Variants in IFT57 observed in about 807,000 individuals in gnomAD.
IFT57 encodes intraflagellar transport protein 57 homolog.
A neutral mutation model predicts 56.8 loss-of-function variants in IFT57; 59 were observed. The ratio of observed to expected loss-of-function variants is 1.04; its 90% CI spans 0.84 to 1.29. The LOEUF is 1.29. Among genes scored for constraint, IFT57 ranks in the 50% most tolerant of loss-of-function variants. The probability of loss-of-function intolerance (pLI) is 0.00; values close to 1 mark genes in which losing one functional copy is unlikely to be tolerated. For synonymous variants in IFT57, 209 were observed against 186.1 expected (o/e 1.12, Z -1.00); for missense variants, 470 against 522.1 (o/e 0.90, Z 0.97).
At chr3:108,214,584 G>A (rs2080360396) in intron 3 of IFT57, among the ~76,000 whole-genome samples, 1 of 152,050 alleles carries the variant, frequency 6.6e-6, no homozygotes, top group Admixed American at 6.5e-5. Flanking sequence ...CTGAAGGAGA[G>A]TAACTCCATC....
chr3:108,183,964 A>C (rs2080165193), intron 6 of IFT57, among the ~76,000 whole-genome samples: 2 of 152,148 alleles, frequency 1.3e-5, no homozygotes, highest in Admixed American at 1.3e-4. Flanking sequence ...AGCAACTTTC[A>C]ATTGATTCAT....
At chr3:108,199,126 T>G (rs993249274) in intron 5 of IFT57, among the ~76,000 whole-genome samples, 1 of 152,206 alleles carries the variant, frequency 6.6e-6, no homozygotes, top group African/African-American at 2.4e-5. Flanking sequence ...TCTATCTGAA[T>G]GCTGAGATTT....
In IFT57 at chr3:108,161,539, A is replaced by T. The variant is rs1372291649; in HGVS notation, c.*938T>A. On this transcript the variant is annotated 3_prime_UTR_variant, in exon 11 of 11. Coordinates refer to ENST00000264538, the MANE Select transcript of IFT57 (RefSeq NM_018010.4). ...TACCACTGCTTTTGAAAATTATTAA[A>T]AAAAAAAAATTAACGCAGGCTGTCT... is the stretch of plus-strand genomic sequence containing the variant. The T allele has an allele frequency of 6.6e-6, 1 of 150,804 alleles. No homozygotes were observed. The highest frequency in any genetic ancestry group is 2.4e-5 in the African/African-American group (1 of 40,990). 9.3% of individuals were successfully genotyped at this position (150,804 alleles called of 1,614,324 possible). A position where few individuals can be genotyped will look rare whatever the true frequency, so the allele number is the denominator to read the frequency against.
chr3:108,181,970 G>C (rs568951802), intron 6 of IFT57, among the ~76,000 whole-genome samples: 175 of 152,034 alleles, frequency 1.2e-3, no homozygotes, highest in African/African-American at 4.0e-3. Flanking sequence ...CAAATAACAG[G>C]CAGAGTCCCA....
intron 4 of IFT57, among the ~76,000 whole-genome samples, chr3:108,213,045 T>G (rs868767813): frequency 6.6e-6 from 1 of 152,228 alleles, no homozygotes; most frequent in South Asian, 2.1e-4. Flanking sequence ...ATAGTATGTA[T>G]GTTTTCTCTC....
At chr3:108,166,639 G>A (rs577931346) in intron 8 of IFT57, among the ~76,000 whole-genome samples, 10 of 152,062 alleles carry the variant, frequency 6.6e-5, no homozygotes, top group African/African-American at 1.4e-4. Context: ...AAATGAAGAC[G>A]TGCATTTAAA....
At chr3:108,213,130 G>C (rs62267892) in intron 4 of IFT57, among the ~76,000 whole-genome samples, 2 of 151,774 alleles carry the variant, frequency 1.3e-5, no homozygotes, top group Non-Finnish European at 2.9e-5. Flanking sequence ...ATAATACATA[G>C]ACAAAATATG....
intron 3 of IFT57, among the ~76,000 whole-genome samples, chr3:108,216,419 T>C (rs768303665): frequency 1.4e-4 from 21 of 152,270 alleles, no homozygotes; most frequent in Middle Eastern, 3.4e-3. Context: ...AAAACCACGA[T>C]ATCATCTCAC....
Position 108,200,728 on chromosome 3 carries a change from TCAA to T in IFT57, c.654+5897_654+5899del, listed in dbSNP as rs527472335. Among the ~76,000 whole-genome samples, 15 of 152,280 alleles carry T rather than the reference TCAA, an allele frequency of 9.9e-5. No individual in the cohort carries two copies. In the South Asian group the frequency reaches 3.1e-3, roughly 32 times the overall value. Reference sequence around the variant, plus strand: ...ACAGCAAATTTAGTCTAGTGGGCCTTCAATAATAATCCACGTGACAGATTATGA... The same window carrying T: ...ACAGCAAATTTAGTCTAGTGGGCCTTTAATAATCCACGTGACAGATTATGA... On this transcript the variant is annotated intron_variant, in intron 5 of 10. Coordinates refer to ENST00000264538, the MANE Select transcript of IFT57 (RefSeq NM_018010.4).
chr3:108,197,078 T>C (rs1287297500), intron 5 of IFT57, among the ~76,000 whole-genome samples: 1 of 152,204 alleles, frequency 6.6e-6, no homozygotes, highest in African/African-American at 2.4e-5. Flanking sequence ...ACAAAGTCCC[T>C]CTCTAACACA....
intron 6 of IFT57, among the ~76,000 whole-genome samples, chr3:108,190,632 CCA>C (rs2080210457): frequency 6.6e-6 from 1 of 152,154 alleles, no homozygotes; most frequent in African/African-American, 2.4e-5. Flanking sequence ...TAAAAATTAC[CCA>C]GTCTTGGGCA....
chr3:108,211,178 T>C (rs2080341026), intron 4 of IFT57, among the ~76,000 whole-genome samples: 1 of 152,208 alleles, frequency 6.6e-6, no homozygotes, highest in African/African-American at 2.4e-5. Context: ...AGTGGGTTTG[T>C]TTTTTATTCC....
intron 5 of IFT57, among the ~76,000 whole-genome samples, chr3:108,195,778 C>A (rs2080240812): frequency 6.6e-6 from 1 of 151,930 alleles, no homozygotes; most frequent in African/African-American, 2.4e-5. Context: ...AAGTAGATTT[C>A]ATGGAGGTAG....
intron 6 of IFT57, among the ~76,000 whole-genome samples, chr3:108,169,505 C>T (rs1194926842): frequency 6.6e-6 from 1 of 151,994 alleles, no homozygotes; most frequent in African/African-American, 2.4e-5. Flanking sequence ...GGCCATTTGT[C>T]AATTTTGACT....
intron 5 of IFT57, among the ~76,000 whole-genome samples, chr3:108,199,118 T>C (rs550971556): frequency 6.6e-6 from 1 of 152,360 alleles, no homozygotes; most frequent in Non-Finnish European, 1.5e-5. Context: ...ACAATGTTTC[T>C]ATCTGAATGC....
At chr3:108,189,078 CA>C (rs1315069633) in intron 6 of IFT57, among the ~76,000 whole-genome samples, 2 of 151,964 alleles carry the variant, frequency 1.3e-5, no homozygotes. Flanking sequence ...CTGACAAAAC[CA>C]AAAAATCAGA....
chr3:108,182,149 C>T (rs901195193), intron 6 of IFT57, among the ~76,000 whole-genome samples: 2 of 151,962 alleles, frequency 1.3e-5, no homozygotes, highest in African/African-American at 2.4e-5. Flanking sequence ...TTATAAATCC[C>T]TGCAGGTCAA....
intron 2 of IFT57, 45 bp from the exon 3 acceptor site, chr3:108,218,698 T>C: frequency 1.1e-6 from 1 of 890,712 alleles, no homozygotes; most frequent in Admixed American, 2.9e-5. Flanking sequence ...TTAGTTATAC[T>C]CCAAATGTCA....
chr3:108,212,922 T>A (rs2080350815), intron 4 of IFT57, among the ~76,000 whole-genome samples: 1 of 152,230 alleles, frequency 6.6e-6, no homozygotes, highest in Non-Finnish European at 1.5e-5. Flanking sequence ...AAATTTTCTT[T>A]CATTTCTGCC....
Sources: gnomAD v4.1 joint callset for allele counts (sites outside exome capture counted in the v4.1 genomes callset) on GRCh38, gnomAD v4.1.1 for gene constraint, MANE v1.5 for transcripts, NCBI Gene and HGNC (gene_info 2026-07-23, HGNC 2026-07-21) for gene names.